The following SRL variants were observed in gnomAD, a reference collection of about 807,000 sequenced individuals.
SRL encodes the protein sarcalumenin.
In SRL, 23 loss-of-function variants were observed where a neutral mutation model predicts 39.5. The observed-to-expected ratio is 0.58, with a 90% CI of 0.42 to 0.82. SRL has a LOEUF of 0.82. Among genes scored for constraint, SRL ranks in the 40% least tolerant of loss-of-function variants. SRL has a pLI of 0.00. For synonymous variants in SRL, 272 were observed against 237.4 expected, an observed-to-expected ratio of 1.15 and a Z score of -1.34; for missense variants, 592 against 607.8, an observed-to-expected ratio of 0.97 and a Z score of 0.27.
Position 4,190,475 on chromosome 16 carries a change from C to T in SRL, c.*1678G>A. The T allele has an allele frequency of 2.5e-6, 1 of 398,820 alleles. No individual in the cohort carries two copies. The allele number at this position is 398,820 out of a possible 1,614,324, so 24.7% of individuals were successfully genotyped here. On this transcript the variant is annotated 3_prime_UTR_variant, in exon 6 of 6. Transcript: ENST00000399609. ...CCGGGCTGGGTCTCCTGGGCATGCA[C>T]AGACTGTGCACCATGCACATTTCAC... is the stretch of plus-strand genomic sequence containing the variant.
intron 1 of SRL, among the ~76,000 whole-genome samples, chr16:4,216,206 G>A (rs2052457987): frequency 6.6e-6 from 1 of 152,086 alleles, no homozygotes; most frequent in Admixed American, 6.6e-5. Context: ...ATACATGCTT[G>A]TCACTGATGC....
At chr16:4,230,516 G>A (rs2052648091) in intron 1 of SRL, among the ~76,000 whole-genome samples, 2 of 151,916 alleles carry the variant, frequency 1.3e-5, no homozygotes, top group South Asian at 4.2e-4. Context: ...AAGTAGCTGG[G>A]ATTACAGGCG....
chr16:4,217,992 G>A (rs998110049), intron 1 of SRL, among the ~76,000 whole-genome samples: 35 of 152,280 alleles, frequency 2.3e-4, no homozygotes, highest in Middle Eastern at 3.4e-3. Context: ...GGTGCCTGGG[G>A]GTGAGCCCTG....
chr16:4,225,167 T>C (rs933805977), intron 1 of SRL, among the ~76,000 whole-genome samples: 13 of 152,194 alleles, frequency 8.5e-5, no homozygotes, highest in African/African-American at 2.4e-4. Flanking sequence ...TAAAAAATGT[T>C]CTAAAATTGA....
chr16:4,234,986 CAA>C (rs1180876444), intron 1 of SRL, among the ~76,000 whole-genome samples: 1 of 152,180 alleles, frequency 6.6e-6, no homozygotes, highest in Non-Finnish European at 1.5e-5. Flanking sequence ...CAGACTTGAG[CAA>C]AGTGCCCATC....
At chr16:4,231,343 C>G (rs530554175) in intron 1 of SRL, among the ~76,000 whole-genome samples, 2 of 152,112 alleles carry the variant, frequency 1.3e-5, no homozygotes, top group African/African-American at 4.8e-5. Flanking sequence ...TGGCTTTAAG[C>G]TACTGACTTT....
intron 1 of SRL, chr16:4,206,752 C>T: frequency 2.5e-6 from 1 of 407,510 alleles, no homozygotes; most frequent in Non-Finnish European, 4.8e-6. Flanking sequence ...TGGGACTCTC[C>T]CTCCCCCTGA....
intron 3 of SRL, among the ~76,000 whole-genome samples, chr16:4,199,733 G>C (rs981797580): frequency 9.4e-6 from 1 of 106,406 alleles, no homozygotes; most frequent in African/African-American, 3.8e-5. Flanking sequence ...GTCTTGCTCT[G>C]TTCCCCAGGC....
At chr16:4,193,277 C>T (rs2052092954) in intron 5 of SRL, among the ~76,000 whole-genome samples, 1 of 152,148 alleles carries the variant, frequency 6.6e-6, no homozygotes, top group African/African-American at 2.4e-5. Context: ...TAAGAATCCT[C>T]CCACCTCAGC....
intron 1 of SRL, 70 bp downstream of exon 1, chr16:4,241,937 G>A (rs1263688400): frequency 7.6e-6 from 12 of 1,573,814 alleles, no homozygotes; most frequent in Non-Finnish European, 9.6e-6. Flanking sequence ...CCCAACCCAT[G>A]GTAGACAGAA....
chr16:4,221,469 G>A (rs139008178), intron 1 of SRL, among the ~76,000 whole-genome samples: 29 of 152,302 alleles, frequency 1.9e-4, no homozygotes, highest in African/African-American at 6.7e-4. Context: ...CAGGGCTAGA[G>A]CAAGTGTACA....
chr16:4,197,668 C>G, intron 4 of SRL, 131 bp downstream of exon 4: 1 of 730,656 alleles, frequency 1.4e-6, no homozygotes, highest in Non-Finnish European at 2.4e-6. Context: ...CTCAAGTGAT[C>G]CACTGCCTTG....
At chr16:4,230,067 C>A (rs1176915930) in intron 1 of SRL, among the ~76,000 whole-genome samples, 1 of 152,100 alleles carries the variant, frequency 6.6e-6, no homozygotes, top group Non-Finnish European at 1.5e-5. Context: ...AGACACACCC[C>A]CTAGGAACTG....
At chr16:4,216,391 C>G (rs1198627453) in intron 1 of SRL, among the ~76,000 whole-genome samples, 1 of 152,092 alleles carries the variant, frequency 6.6e-6, no homozygotes, top group Non-Finnish European at 1.5e-5. Flanking sequence ...CCTGCCTCAG[C>G]CTCCTGAGTA....
At chr16:4,239,019 G>T (rs550325235) in intron 1 of SRL, among the ~76,000 whole-genome samples, 1 of 152,256 alleles carries the variant, frequency 6.6e-6, no homozygotes, top group Admixed American at 6.5e-5. Flanking sequence ...GGCTTGCCCG[G>T]CTGCACCAAA....
At chr16:4,223,685 G>C (rs1252587888) in intron 1 of SRL, among the ~76,000 whole-genome samples, 1 of 152,024 alleles carries the variant, frequency 6.6e-6, no homozygotes, top group Non-Finnish European at 1.5e-5. Context: ...ACCACATCCG[G>C]CAAGGAATCT....
chr16:4,207,982 G>T (rs552306845), intron 1 of SRL: 1 of 456,734 alleles, frequency 2.2e-6, no homozygotes, highest in African/African-American at 2.0e-5. Flanking sequence ...TTCTTGTCTT[G>T]AGGGGCTGTG....
intron 1 of SRL, among the ~76,000 whole-genome samples, chr16:4,216,417 G>A (rs2052460267): frequency 6.6e-6 from 1 of 151,874 alleles, no homozygotes; most frequent in Admixed American, 6.6e-5. Context: ...GACCACAAGT[G>A]CACGCAACCA....
chr16:4,231,302 T>G (rs1007410715), intron 1 of SRL, among the ~76,000 whole-genome samples: 2 of 152,016 alleles, frequency 1.3e-5, no homozygotes, highest in African/African-American at 2.4e-5. Context: ...GGCAACAGAG[T>G]GAGACCCTGT....
Sources: allele counts gnomAD v4.1 joint callset (sites outside exome capture counted in the v4.1 genomes callset), GRCh38; gene constraint gnomAD v4.1.1; transcripts MANE v1.5; gene names NCBI Gene and HGNC (gene_info 2026-07-23, HGNC 2026-07-21).